Variants in CDH13 observed in about 807,000 individuals in gnomAD.
CDH13 encodes cadherin 13, also known as cadherin-13.
CDH13 carries 24 observed loss-of-function variants against 63.8 expected under a neutral mutation model. The observed-to-expected ratio is 0.38, with a 90% CI of 0.27 to 0.53. The LOEUF (loss-of-function observed/expected upper bound fraction) is 0.53, where lower values mean the gene tolerates loss of function less well. Ranked by LOEUF, CDH13 falls within the 20% of genes least tolerant of loss-of-function variation. CDH13 has a pLI of 0.85. For synonymous variants in CDH13, 503 were observed against 355.3 expected, an observed-to-expected ratio of 1.42 and a Z score of -4.67; for missense variants, 1,049 against 903.1, an observed-to-expected ratio of 1.16 and a Z score of -2.07.
chr16:83,566,129 C>G (rs939484976), intron 7 of CDH13, among the ~76,000 whole-genome samples: 2 of 152,126 alleles, frequency 1.3e-5, no homozygotes, highest in South Asian at 2.1e-4. Flanking sequence ...ATGTTGGGCT[C>G]TAAATTGGCC....
chr16:83,346,701 A>G (rs144300864), intron 6 of CDH13, among the ~76,000 whole-genome samples: 2,399 of 152,296 alleles, frequency 0.016, 62 homozygotes, highest in African/African-American at 0.054. Flanking sequence ...TTTTTGATAC[A>G]TGTATATACA....
intron 2 of CDH13, among the ~76,000 whole-genome samples, chr16:83,021,625 T>C (rs1366504349): frequency 6.6e-6 from 1 of 152,218 alleles, no homozygotes; most frequent in South Asian, 2.1e-4. Flanking sequence ...TGATATCTTC[T>C]GCTGACATGA....
intron 2 of CDH13, among the ~76,000 whole-genome samples, chr16:83,031,675 G>T (rs1194443363): frequency 6.6e-6 from 1 of 152,034 alleles, no homozygotes; most frequent in Non-Finnish European, 1.5e-5. Flanking sequence ...GTTCTGCTCA[G>T]TCACCCACAC....
At chr16:83,790,403 G>A (rs1189747485) in intron 13 of CDH13, among the ~76,000 whole-genome samples, 1 of 151,748 alleles carries the variant, frequency 6.6e-6, no homozygotes, top group Non-Finnish European at 1.5e-5. Flanking sequence ...TTTTTGTTTT[G>A]TTTTGTTTTG....
chr16:83,643,868 C>T lies in CDH13; in HGVS notation c.1102-26922C>T, dbSNP rs138156303. 3.4e-3 allele frequency among the ~76,000 whole-genome samples: 512 copies of T among 152,324 alleles called. 3 individuals are homozygous for T. The highest frequency in any genetic ancestry group is 0.02 in the South Asian group (96 of 4,822). On this transcript the variant is annotated intron_variant, in intron 8 of 13. Coordinates refer to ENST00000567109, the MANE Select transcript of CDH13 (RefSeq NM_001257.5). Reference sequence around the variant, plus strand: ...CCCAAGTTTCCTGTCCACTTGTCCACTGTACAGCCACCTACCCACGCTTTA... The same window carrying T: ...CCCAAGTTTCCTGTCCACTTGTCCATTGTACAGCCACCTACCCACGCTTTA...
At chr16:83,007,763 G>A (rs564004854) in intron 2 of CDH13, among the ~76,000 whole-genome samples, 2 of 151,262 alleles carry the variant, frequency 1.3e-5, no homozygotes, top group East Asian at 1.9e-4. Flanking sequence ...GGCGGGGGTG[G>A]CAGTGAGCTA....
chr16:83,003,645 A>G (rs1298874230), intron 2 of CDH13, among the ~76,000 whole-genome samples: 1 of 152,216 alleles, frequency 6.6e-6, no homozygotes, highest in Non-Finnish European at 1.5e-5. Flanking sequence ...TGTTACAGAA[A>G]GCAGTAATGG....
chr16:82,851,155 GC>G (rs1223184325), intron 1 of CDH13, among the ~76,000 whole-genome samples: 1 of 152,112 alleles, frequency 6.6e-6, no homozygotes, highest in African/African-American at 2.4e-5. Flanking sequence ...CAACAATAGG[GC>G]CAGGTACGGT....
At chr16:82,926,597 C>T (rs1296021345) in intron 2 of CDH13, among the ~76,000 whole-genome samples, 3 of 152,198 alleles carry the variant, frequency 2.0e-5, no homozygotes, top group African/African-American at 4.8e-5. Flanking sequence ...CACTAGATTC[C>T]TAGAAGAGGG....
intron 3 of CDH13, among the ~76,000 whole-genome samples, chr16:83,039,616 T>C (rs1388239968): frequency 1.3e-5 from 2 of 152,168 alleles, no homozygotes; most frequent in East Asian, 1.9e-4. Context: ...TTTCTTTCCC[T>C]TCTTCCTTCC....
chr16:83,223,890 G>A (rs1464679199), intron 5 of CDH13, among the ~76,000 whole-genome samples: 1 of 152,116 alleles, frequency 6.6e-6, no homozygotes, highest in Admixed American at 6.5e-5. Flanking sequence ...GGTTGCATGA[G>A]TAAGTTCTTT....
chr16:83,675,356 C>T (rs1023041884), intron 9 of CDH13, among the ~76,000 whole-genome samples: 3 of 152,178 alleles, frequency 2.0e-5, no homozygotes, highest in Admixed American at 2.0e-4. Context: ...TAGCATGGCC[C>T]TGCTCCCTTC....
Position 83,063,873 on chromosome 16 carries a change from T to C in CDH13, c.366+31655T>C, listed in dbSNP as rs192130185. Reference sequence around the variant, plus strand: ...CCCCTTCTTACAACTTCAAAGGCAATTGTGTAACATTTTTGCAGGGAGAGT... The same window carrying C: ...CCCCTTCTTACAACTTCAAAGGCAACTGTGTAACATTTTTGCAGGGAGAGT... On this transcript the variant is annotated intron_variant, in intron 3 of 13. Transcript: ENST00000567109. 4.3e-4 allele frequency among the ~76,000 whole-genome samples: 65 copies of C among 152,210 alleles called. 1 individual carries two copies. The highest frequency in any genetic ancestry group is 3.9e-3 in the Admixed American group (60 of 15,292).
chr16:82,668,956 T>G (rs1368981215), intron 1 of CDH13, among the ~76,000 whole-genome samples: 1 of 152,176 alleles, frequency 6.6e-6, no homozygotes, highest in Admixed American at 6.5e-5. Flanking sequence ...TGGCTGTTAT[T>G]CTAGGGGGCT....
At chr16:83,668,310 G>T (rs1011350185) in intron 8 of CDH13, among the ~76,000 whole-genome samples, 1 of 152,184 alleles carries the variant, frequency 6.6e-6, no homozygotes, top group African/African-American at 2.4e-5. Context: ...TGGAGATAAA[G>T]CCATGAAGAG....
chr16:83,174,997 A>G (rs1009527942), intron 4 of CDH13, among the ~76,000 whole-genome samples: 4 of 152,116 alleles, frequency 2.6e-5, no homozygotes, highest in South Asian at 4.2e-4. Context: ...GGGGATTAAA[A>G]TTTGAGGTGA....
chr16:83,297,694 G>A lies in CDH13; in HGVS notation c.637-47168G>A, dbSNP rs2089635234. On this transcript the variant is annotated intron_variant, in intron 5 of 13. Coordinates refer to ENST00000567109, the MANE Select transcript of CDH13 (RefSeq NM_001257.5). ...ACTTCAACCAGTCAAGGAGATTTCA[G>A]TGTCAGATAAGGCTTTGATGTGAAC... Among the ~76,000 whole-genome samples, 4 of 152,166 alleles carry A rather than the reference G, an allele frequency of 2.6e-5. No individual in the cohort carries two copies. In the South Asian group the frequency reaches 6.2e-4, roughly 24 times the overall value.
intron 1 of CDH13, among the ~76,000 whole-genome samples, chr16:82,733,013 T>C (rs2033481533): frequency 6.6e-6 from 1 of 152,212 alleles, no homozygotes; most frequent in Non-Finnish European, 1.5e-5. Flanking sequence ...TTTCTCAACA[T>C]AAGGCAAATG....
At chr16:83,525,844 A>G (rs1408357421) in intron 7 of CDH13, among the ~76,000 whole-genome samples, 2 of 152,244 alleles carry the variant, frequency 1.3e-5, no homozygotes, top group Non-Finnish European at 2.9e-5. Flanking sequence ...AGATTGCAGC[A>G]TAAAAACAAC....
Sources: allele counts gnomAD v4.1 joint callset (sites outside exome capture counted in the v4.1 genomes callset), GRCh38; gene constraint gnomAD v4.1.1; transcripts MANE v1.5; gene names NCBI Gene and HGNC (gene_info 2026-07-23, HGNC 2026-07-21).